The following TCP11L1 variants were observed in gnomAD, a reference collection of about 807,000 sequenced individuals.
The protein encoded by TCP11L1 is T-complex protein 11-like protein 1.
TCP11L1 carries 28 observed loss-of-function variants against 48.9 expected under a neutral mutation model. That is an observed-to-expected ratio of 0.57 (90% CI 0.42 to 0.78). The LOEUF is 0.78. TCP11L1 is among the 30% of genes least tolerant of loss of function. The pLI, the probability that TCP11L1 is intolerant of heterozygous loss-of-function variation, is 0.00. For synonymous variants in TCP11L1, 204 were observed against 231.9 expected (o/e 0.88, Z 1.09); for missense variants, 505 against 613.4 (o/e 0.82, Z 1.87).
chr11:33,063,652 C>A (rs1293289303), intron 7 of TCP11L1, among the ~76,000 whole-genome samples: 1 of 152,200 alleles, frequency 6.6e-6, no homozygotes, highest in Non-Finnish European at 1.5e-5. Flanking sequence ...AGAAGGGATT[C>A]CCCCAGTGTT....
intron 1 of TCP11L1, among the ~76,000 whole-genome samples, chr11:33,042,289 C>A (rs1345095332): frequency 6.6e-6 from 1 of 152,112 alleles, no homozygotes; most frequent in Non-Finnish European, 1.5e-5. Flanking sequence ...GCCACCATGC[C>A]AGGCCAATTT....
chr11:33,039,575 C>G lies in TCP11L1; in HGVS notation c.-242C>G, dbSNP rs1853766124. 6.6e-6 allele frequency: 1 copy of G among 152,320 alleles called. No homozygotes were observed. The highest frequency in any genetic ancestry group is 2.1e-4 in the South Asian group (1 of 4,836). 9.4% of individuals were successfully genotyped at this position (152,320 alleles called of 1,614,324 possible). A position where few individuals can be genotyped will look rare whatever the true frequency, so the allele number is the denominator to read the frequency against. On this transcript the variant is annotated 5_prime_UTR_variant, in exon 1 of 10. Transcript: ENST00000334274. ...CTGGCGCCTCCCGGCCAAGAGCAGT[C>G]TCCTCCTTCCTGATGCTGAGAAGCG...
intron 6 of TCP11L1, among the ~76,000 whole-genome samples, chr11:33,059,840 C>T (rs746711967): frequency 4.6e-5 from 7 of 151,994 alleles, no homozygotes; most frequent in African/African-American, 7.3e-5. Flanking sequence ...GTGCTGGGGC[C>T]GGGGCAGGTT....
chr11:33,065,094 G>C (rs2133739664), intron 7 of TCP11L1, among the ~76,000 whole-genome samples: 1 of 152,320 alleles, frequency 6.6e-6, no homozygotes, highest in East Asian at 1.9e-4. Context: ...CTAGGTCTGT[G>C]CCTCATTATA....
chr11:33,061,120 T>A (rs985574916), intron 6 of TCP11L1, among the ~76,000 whole-genome samples: 4 of 152,190 alleles, frequency 2.6e-5, no homozygotes, highest in Admixed American at 2.6e-4. Context: ...CATGCCCAGC[T>A]AATTTTTGTA....
rs778978115 is a variant in TCP11L1 at position 33,065,853 on chromosome 11, C to A, written c.996C>A (p.Arg332=). 1.9e-6 allele frequency: 3 copies of A among 1,614,096 alleles called. No homozygotes were observed. The East Asian group carries it at 6.7e-5, about 36-fold the overall frequency. ...AGACAGTTTTAATGGACCAGTCTCG[C>A]TTCCACGAGCTCCAGTTGCAGCTGG... is the stretch of plus-strand genomic sequence containing the variant. ...FPETVLMDQS[R]FHELQLQLEQ... The change falls in exon 8 of 10, where the codon CGC becomes CGA. Residue 332 remains arginine, a synonymous_variant. Coordinates refer to ENST00000334274, the MANE Select transcript of TCP11L1 (RefSeq NM_018393.4).
At chr11:33,048,113 C>CA (rs1854052701) in intron 2 of TCP11L1, among the ~76,000 whole-genome samples, 1 of 152,060 alleles carries the variant, frequency 6.6e-6, no homozygotes, top group South Asian at 2.1e-4. Flanking sequence ...AACAAAATAA[C>CA]AAAATTTAGC....
At position 33,068,786 on chromosome 11, in the gene TCP11L1, G is replaced by C; in HGVS notation, c.1254G>C (p.Thr418=). 2 of 1,614,162 alleles carry C rather than the reference G, an allele frequency of 1.2e-6. No homozygotes were observed. The highest frequency in any genetic ancestry group is 1.7e-6 in the Non-Finnish European group (2 of 1,180,026). Residue 418 remains threonine, a synonymous_variant, in exon 9 of 10, where the codon ACG becomes ACC. Transcript: ENST00000334274. ...TGTGTGGGTCCTCTCCCTTCACCAC[G>C]GACAAGGAGACCGTGCTCAAGGGCC... is the stretch of plus-strand genomic sequence containing the variant. The part of the protein sequence containing the change: ...LSLCGSSPFT[T]DKETVLKGQI...
chr11:33,049,079 G>A (rs923583264), intron 2 of TCP11L1, among the ~76,000 whole-genome samples: 4 of 152,074 alleles, frequency 2.6e-5, no homozygotes, highest in Admixed American at 6.6e-5. Context: ...GTGAAACCCT[G>A]TCTCTACTAA....
In TCP11L1 at chr11:33,063,055, G is replaced by C. The variant is rs79096451; in HGVS notation, c.972+1329G>C. On this transcript the variant is annotated intron_variant, in intron 7 of 9. Transcript: ENST00000334274. ...TTAAGTGTGTTTTTTGTGGAGACAGGGGTCTCGCTATGTTACTCAGGCTGA... is the reference window on the plus strand; with the variant it reads ...TTAAGTGTGTTTTTTGTGGAGACAGCGGTCTCGCTATGTTACTCAGGCTGA... 2.7e-4 allele frequency among the ~76,000 whole-genome samples: 41 copies of C among 152,206 alleles called. 3 individuals carry two copies. The East Asian group carries it at 7.9e-3, about 29-fold the overall frequency.
intron 2 of TCP11L1, among the ~76,000 whole-genome samples, chr11:33,047,149 G>T (rs528336721): frequency 2.0e-5 from 3 of 151,690 alleles, no homozygotes; most frequent in Admixed American, 6.6e-5. Flanking sequence ...GGAAGCAGAG[G>T]TTGCAGTGAA....
In TCP11L1 at chr11:33,068,841, C is replaced by A; in HGVS notation, c.1309C>A (p.Pro437Thr). Residue 437 changes from proline to threonine, a missense_variant, in exon 9 of 10, where the codon CCC becomes ACC. Pro to Thr is a conservative substitution (Grantham distance 38). Around this residue, in one of 3 missense-constraint regions of TCP11L1, gnomAD observed 335 missense variants for 413.3 expected, o/e 0.81. Coordinates refer to ENST00000334274, the MANE Select transcript of TCP11L1 (RefSeq NM_018393.4). ...QIQAVASPDD[P>T]IRRIMESRIL... The stretch of plus-strand genomic sequence containing the variant: ...CCAGGCCGTGGCCAGTCCCGATGAC[C>A]CCATTCGCAGGATCATGGGTACGTT... 3 of 1,613,154 alleles carry A rather than the reference C, an allele frequency of 1.9e-6. No individual in the cohort carries two copies. In the South Asian group the frequency reaches 3.3e-5, roughly 18 times the overall value.
intron 9 of TCP11L1, among the ~76,000 whole-genome samples, chr11:33,071,188 G>A (rs922049056): frequency 1.3e-5 from 2 of 152,004 alleles, no homozygotes; most frequent in African/African-American, 2.4e-5. Flanking sequence ...GGTGGCATGC[G>A]CCTGTAATCC....
chr11:33,045,908 C>T (rs1322688962), intron 2 of TCP11L1, among the ~76,000 whole-genome samples: 6 of 152,308 alleles, frequency 3.9e-5, no homozygotes, highest in South Asian at 2.1e-4. Flanking sequence ...ACAGCTGTGA[C>T]GGTTTAGCAT....
chr11:33,045,125 C>T (rs924127313), intron 2 of TCP11L1, among the ~76,000 whole-genome samples: 1 of 152,134 alleles, frequency 6.6e-6, no homozygotes, highest in Non-Finnish European at 1.5e-5. Context: ...GCGGCTGAGG[C>T]AGGAAGATCA....
intron 2 of TCP11L1, among the ~76,000 whole-genome samples, chr11:33,048,653 T>C (rs1854068144): frequency 6.6e-6 from 1 of 152,212 alleles, no homozygotes; most frequent in African/African-American, 2.4e-5. Context: ...ATTTTCTTCT[T>C]CCTAATGGTG....
chr11:33,055,149 A>T (rs1265527532), intron 3 of TCP11L1, among the ~76,000 whole-genome samples: 1 of 152,256 alleles, frequency 6.6e-6, no homozygotes, highest in African/African-American at 2.4e-5. Context: ...GAAAGAGGAA[A>T]CACTGCCCAT....
intron 3 of TCP11L1, 26 bp from the exon 4 acceptor site, chr11:33,057,089 C>T (rs1412452554): frequency 1.9e-6 from 3 of 1,610,844 alleles, no homozygotes; most frequent in African/African-American, 1.3e-5. Context: ...TTTTTGCCCC[C>T]CTCCTTTTTT....
chr11:33,069,558 C>T (rs567520654), intron 9 of TCP11L1, among the ~76,000 whole-genome samples: 2 of 152,166 alleles, frequency 1.3e-5, no homozygotes, highest in South Asian at 2.1e-4. Context: ...TATATACATA[C>T]ATTTAAAACA....
Sources: allele counts gnomAD v4.1 joint callset (sites outside exome capture counted in the v4.1 genomes callset), GRCh38; gene constraint gnomAD v4.1.1; regional missense constraint gnomAD v4.1.1; transcripts MANE v1.5; gene names NCBI Gene and HGNC (gene_info 2026-07-23, HGNC 2026-07-21).